The following COPG2 variants were observed in gnomAD, a reference collection of about 807,000 sequenced individuals.
COPG2 encodes coatomer subunit gamma-2.
Under a neutral mutation model 46.3 loss-of-function variants are expected in COPG2, and 37 were observed. The observed-to-expected ratio is 0.80, with a 90% CI of 0.61 to 1.05. The LOEUF (loss-of-function observed/expected upper bound fraction) is 1.05. Among genes scored for constraint, COPG2 ranks in the 50% least tolerant of loss-of-function variants. The pLI, the probability that COPG2 is intolerant of heterozygous loss-of-function variation, is 0.00. For missense variants in COPG2, 427 were observed against 387.8 expected, an observed-to-expected ratio of 1.10 and a Z score of -0.85; for synonymous variants, 159 against 129.7, an observed-to-expected ratio of 1.23 and a Z score of -1.53.
At chr7:130,590,947 A>C (rs1314627016) in intron 9 of COPG2, among the ~76,000 whole-genome samples, 5 of 116,560 alleles carry the variant, frequency 4.3e-5, no homozygotes, top group South Asian at 2.9e-4. Context: ...CGGCAGCCAC[A>C]CCATCTGAGA....
In COPG2 at chr7:130,513,308, AATATATATAT is replaced by A. The variant is rs1197540092; in HGVS notation, c.2150-4659_2150-4650del. Among the ~76,000 whole-genome samples the A allele has an allele frequency of 5.2e-4, 29 of 55,656 alleles. 1 individual carries two copies. The highest frequency in any genetic ancestry group is 2.7e-3 in the East Asian group (6 of 2,182). The allele number at this position is 55,656 out of a possible 152,430, so 36.5% of individuals were successfully genotyped here. On this transcript the variant is annotated intron_variant, in intron 20 of 23. Transcript: ENST00000425248. ...TTCTGTCTAAAAAAAAAAAAAAAAAAATATATATATATATATATATATATATATATATATG... is the reference window on the plus strand; with the variant it reads ...TTCTGTCTAAAAAAAAAAAAAAAAAAATATATATATATATATATATATATG...
intron 9 of COPG2, among the ~76,000 whole-genome samples, chr7:130,566,806 AG>A (rs1793810840): frequency 2.0e-5 from 3 of 152,222 alleles, no homozygotes; most frequent in African/African-American, 7.2e-5. Flanking sequence ...TAAGAAAGTC[AG>A]GCAGTCGGGC....
chr7:130,621,885 A>C (rs186119168), intron 5 of COPG2, among the ~76,000 whole-genome samples: 192 of 145,006 alleles, frequency 1.3e-3, no homozygotes, highest in African/African-American at 4.8e-3. Context: ...TGGAGGTTGC[A>C]GTGAGCCAAG....
intron 17 of COPG2, among the ~76,000 whole-genome samples, 141 bp downstream of exon 17, chr7:130,550,371 ACTGTGCTCCAGC>A (rs1793518102): frequency 7.4e-6 from 1 of 134,696 alleles, no homozygotes; most frequent in Non-Finnish European, 1.5e-5. Context: ...AGATCGCGCC[ACTGTGCTCCAGC>A]CTGTGCGACG....
chr7:130,597,321 T>A (rs1392878240), intron 9 of COPG2, among the ~76,000 whole-genome samples: 3 of 152,238 alleles, frequency 2.0e-5, no homozygotes, highest in Non-Finnish European at 4.4e-5. Context: ...TCTTTTTCGA[T>A]GTCTGATCTA....
At chr7:130,601,874 G>A (rs1043496628) in intron 9 of COPG2, among the ~76,000 whole-genome samples, 69 of 143,612 alleles carry the variant, frequency 4.8e-4, no homozygotes, top group African/African-American at 1.4e-3. Context: ...AAAGAAGGAA[G>A]GAAGGAAGCA....
chr7:130,635,814 C>A (rs575320549), intron 5 of COPG2, among the ~76,000 whole-genome samples: 1 of 152,030 alleles, frequency 6.6e-6, no homozygotes, highest in South Asian at 2.1e-4. Flanking sequence ...GATTTTAGAT[C>A]TTTCCTGCTT....
chr7:130,586,556 G>A (rs1486982972), intron 9 of COPG2, among the ~76,000 whole-genome samples: 3 of 151,938 alleles, frequency 2.0e-5, no homozygotes, highest in Admixed American at 6.6e-5. Context: ...TCTGCCTTCC[G>A]GGTTCATGCC....
intron 9 of COPG2, among the ~76,000 whole-genome samples, chr7:130,578,334 A>G (rs1197154353): frequency 8.1e-5 from 12 of 148,478 alleles, no homozygotes; most frequent in Non-Finnish European, 1.0e-4. Flanking sequence ...CATCCACACC[A>G]AAAACCCATC....
At chr7:130,553,415 T>C (rs1183186581) in intron 14 of COPG2, among the ~76,000 whole-genome samples, 10 of 152,018 alleles carry the variant, frequency 6.6e-5, no homozygotes, top group African/African-American at 2.4e-4. Flanking sequence ...GCTAGGGATC[T>C]GAAACGGATG....
chr7:130,509,119 T>A, intron 20 of COPG2: 1 of 447,044 alleles, frequency 2.2e-6, no homozygotes. Flanking sequence ...CAATACTATC[T>A]TTAGATTGTG....
chr7:130,516,004 G>A (rs993819122), intron 20 of COPG2, among the ~76,000 whole-genome samples: 38 of 152,298 alleles, frequency 2.5e-4, no homozygotes, highest in Non-Finnish European at 4.7e-4. Flanking sequence ...AGTCTGAACA[G>A]TGAGTGTTGA....
chr7:130,596,741 A>G (rs1794534890), intron 9 of COPG2, among the ~76,000 whole-genome samples: 1 of 152,194 alleles, frequency 6.6e-6, no homozygotes, highest in African/African-American at 2.4e-5. Flanking sequence ...ATGGCCACCT[A>G]GCCCAGAGCA....
At chr7:130,523,195 T>C (rs1253809106) in intron 20 of COPG2, among the ~76,000 whole-genome samples, 1 of 132,632 alleles carries the variant, frequency 7.5e-6, no homozygotes, top group Non-Finnish European at 1.6e-5. Flanking sequence ...CCATAGGGAG[T>C]CAAGGTGGCT....
chr7:130,630,856 G>A (rs1479193087), intron 5 of COPG2, among the ~76,000 whole-genome samples: 1 of 152,124 alleles, frequency 6.6e-6, no homozygotes, highest in Admixed American at 6.5e-5. Flanking sequence ...TTTATAGGCA[G>A]CATAAAGTTG....
intron 18 of COPG2, among the ~76,000 whole-genome samples, chr7:130,549,060 A>T (rs1793492894): frequency 6.7e-6 from 1 of 149,080 alleles, no homozygotes; most frequent in East Asian, 2.0e-4. Flanking sequence ...AAAAAAAAAG[A>T]AAGTAAATAC....
At chr7:130,572,199 A>T (rs1377832516) in intron 9 of COPG2, among the ~76,000 whole-genome samples, 1 of 152,190 alleles carries the variant, frequency 6.6e-6, no homozygotes, top group African/African-American at 2.4e-5. Flanking sequence ...TGAAGAACTT[A>T]TCCATGTAAC....
chr7:130,556,009 G>A (rs1402168828), intron 12 of COPG2, among the ~76,000 whole-genome samples: 1 of 152,150 alleles, frequency 6.6e-6, no homozygotes, highest in Non-Finnish European at 1.5e-5. Flanking sequence ...CACAGCAGTA[G>A]CAGTAGCCAG....
intron 4 of COPG2, among the ~76,000 whole-genome samples, chr7:130,658,672 A>G (rs1289529078): frequency 6.6e-6 from 1 of 152,194 alleles, no homozygotes; most frequent in Non-Finnish European, 1.5e-5. Context: ...TAACTCAGTA[A>G]GATGACAACC....
Sources: allele counts gnomAD v4.1 joint callset (sites outside exome capture counted in the v4.1 genomes callset), GRCh38; gene constraint gnomAD v4.1.1; transcripts MANE v1.5; gene names NCBI Gene and HGNC (gene_info 2026-07-23, HGNC 2026-07-21).